ACSS3: variants seen among roughly 807,000 people sequenced by gnomAD.
ACSS3 encodes acyl-CoA synthetase short-chain family member 3, mitochondrial.
Under a neutral mutation model 84.2 loss-of-function variants are expected in ACSS3, and 64 were observed. The observed-to-expected ratio is 0.76, with a 90% CI of 0.62 to 0.94. The LOEUF (loss-of-function observed/expected upper bound fraction) is 0.94. ACSS3 is among the 40% of genes least tolerant of loss of function. The pLI, the probability that ACSS3 is intolerant of heterozygous loss-of-function variation, is 0.00. For missense variants in ACSS3, 815 were observed against 867.6 expected, an observed-to-expected ratio of 0.94 and a Z score of 0.76; for synonymous variants, 317 against 310.1, an observed-to-expected ratio of 1.02 and a Z score of -0.23.
At chr12:81,157,667 C>T (rs889120165) in intron 7 of ACSS3, among the ~76,000 whole-genome samples, 3 of 152,014 alleles carry the variant, frequency 2.0e-5, no homozygotes. Flanking sequence ...ATTAGCCAGG[C>T]ATGGTGGTGC....
intron 13 of ACSS3, among the ~76,000 whole-genome samples, chr12:81,250,123 C>G (rs1481807958): frequency 6.6e-6 from 1 of 151,970 alleles, no homozygotes; most frequent in Non-Finnish European, 1.5e-5. Flanking sequence ...GGAGGGAATG[C>G]ATTAATGTGG....
At chr12:81,086,595 G>A (rs571724496) in intron 1 of ACSS3, among the ~76,000 whole-genome samples, 4 of 152,282 alleles carry the variant, frequency 2.6e-5, no homozygotes, top group South Asian at 2.1e-4. Flanking sequence ...ACTACTAGGT[G>A]TTGGGGGAAA....
Position 81,118,309 on chromosome 12 carries a change from G to A in ACSS3, c.456+8605G>A, listed in dbSNP as rs963597985. Among the ~76,000 whole-genome samples the A allele has an allele frequency of 5.3e-5, 8 of 152,030 alleles. No individual in the cohort carries two copies. The South Asian group carries it at 8.3e-4, about 16-fold the overall frequency. On this transcript the variant is annotated intron_variant, in intron 2 of 15. Transcript: ENST00000548058. ...TCTAAAGATTATGAGGTTTAGCTTG[G>A]CATGACCCAAGATTATGAAGTCTTA...
At chr12:81,086,045 C>T (rs1881289416) in intron 1 of ACSS3, among the ~76,000 whole-genome samples, 1 of 152,090 alleles carries the variant, frequency 6.6e-6, no homozygotes, top group African/African-American at 2.4e-5. Flanking sequence ...GCAATTTAAT[C>T]CCCCTATTGA....
At chr12:81,142,150 A>T (rs1232287148) in intron 4 of ACSS3, among the ~76,000 whole-genome samples, 1 of 152,166 alleles carries the variant, frequency 6.6e-6, no homozygotes, top group Non-Finnish European at 1.5e-5. Context: ...GAATCACTTT[A>T]ATGAAATGGT....
intron 13 of ACSS3, among the ~76,000 whole-genome samples, chr12:81,239,129 G>A (rs1165673052): frequency 6.6e-6 from 1 of 151,824 alleles, no homozygotes; most frequent in African/African-American, 2.4e-5. Context: ...ATTTAGAAGT[G>A]TGTTGTTTAA....
At chr12:81,233,204 A>G in intron 12 of ACSS3, 145 bp from the exon 13 acceptor site, 1 of 758,764 alleles carries the variant, frequency 1.3e-6, no homozygotes, top group Non-Finnish European at 2.1e-6. Flanking sequence ...GATAAAAAGT[A>G]GTGTAATTTC....
intron 13 of ACSS3, among the ~76,000 whole-genome samples, chr12:81,250,458 A>G (rs2034116960): frequency 6.6e-6 from 1 of 152,080 alleles, no homozygotes; most frequent in Non-Finnish European, 1.5e-5. Flanking sequence ...AATGTTGTAT[A>G]TTTCTTCCGA....
chr12:81,196,117 A>G (rs2031817012), intron 8 of ACSS3, among the ~76,000 whole-genome samples: 1 of 152,222 alleles, frequency 6.6e-6, no homozygotes, highest in African/African-American at 2.4e-5. Flanking sequence ...ATACAGATCC[A>G]TGTCAGAATA....
chr12:81,244,157 T>C (rs1279701543), intron 13 of ACSS3, among the ~76,000 whole-genome samples: 1 of 152,148 alleles, frequency 6.6e-6, no homozygotes, highest in Non-Finnish European at 1.5e-5. Context: ...TTTTTCCCTC[T>C]TGACACTTTA....
chr12:81,132,117 G>A (rs530878686), intron 2 of ACSS3, among the ~76,000 whole-genome samples: 1,786 of 152,170 alleles, frequency 0.012, 40 homozygotes, highest in African/African-American at 0.04. Flanking sequence ...GCCAGGCTTT[G>A]GTATCAGGAT....
At chr12:81,136,675 T>C (rs780990543) in intron 3 of ACSS3, among the ~76,000 whole-genome samples, 2 of 152,114 alleles carry the variant, frequency 1.3e-5, no homozygotes, top group Non-Finnish European at 2.9e-5. Flanking sequence ...AGTAGACCAA[T>C]GTGACTAAAA....
chr12:81,163,363 C>T (rs1269073057), intron 7 of ACSS3, among the ~76,000 whole-genome samples: 1 of 152,114 alleles, frequency 6.6e-6, no homozygotes, highest in Admixed American at 6.5e-5. Flanking sequence ...TCACACATTG[C>T]ATTTCTCACG....
At position 81,099,438 on chromosome 12, in the gene ACSS3, G is replaced by T. The variant is rs1255348987; in HGVS notation, c.312-10122G>T. On this transcript the variant is annotated intron_variant, in intron 1 of 15. Coordinates refer to ENST00000548058, the MANE Select transcript of ACSS3 (RefSeq NM_024560.4). ...ATCAGTGACTGAGAACACAGATAAAGTTGCAACATTATGACAACTAAATAT... is the reference window on the plus strand; with the variant it reads ...ATCAGTGACTGAGAACACAGATAAATTTGCAACATTATGACAACTAAATAT... Among the ~76,000 whole-genome samples the T allele has an allele frequency of 3.3e-5, 5 of 152,278 alleles. No individual in the cohort carries two copies. In the East Asian group the frequency reaches 9.6e-4, roughly 29 times the overall value.
At chr12:81,253,116 C>T (rs1286316708) in intron 13 of ACSS3, among the ~76,000 whole-genome samples, 191 bp from the exon 14 acceptor site, 1 of 152,186 alleles carries the variant, frequency 6.6e-6, no homozygotes, top group African/African-American at 2.4e-5. Flanking sequence ...ATTCACTTCA[C>T]TAGTAATGAT....
intron 9 of ACSS3, among the ~76,000 whole-genome samples, chr12:81,209,281 GT>G (rs1237735431): frequency 3.3e-5 from 5 of 150,938 alleles, no homozygotes; most frequent in Non-Finnish European, 5.9e-5. Flanking sequence ...CTAGGAGAAT[GT>G]TTTTTGTTAA....
intron 2 of ACSS3, among the ~76,000 whole-genome samples, chr12:81,123,630 T>C (rs188033806): frequency 3.9e-5 from 6 of 152,214 alleles, no homozygotes; most frequent in Admixed American, 3.9e-4. Flanking sequence ...CCCCTCTCTA[T>C]AGTCCCCAGT....
intron 12 of ACSS3, 145 bp downstream of exon 12, chr12:81,231,283 A>C: frequency 1.7e-6 from 1 of 604,542 alleles, no homozygotes; most frequent in Non-Finnish European, 2.8e-6. Flanking sequence ...CCCAGGGATA[A>C]GAATGCCCAA....
At chr12:81,112,071 C>T (rs1055026139) in intron 2 of ACSS3, among the ~76,000 whole-genome samples, 4 of 152,104 alleles carry the variant, frequency 2.6e-5, no homozygotes, top group East Asian at 1.9e-4. Context: ...GTTATTCTTA[C>T]GAGGCTGCAT....
Sources: gnomAD v4.1 joint callset for allele counts (sites outside exome capture counted in the v4.1 genomes callset) on GRCh38, gnomAD v4.1.1 for gene constraint, MANE v1.5 for transcripts, NCBI Gene and HGNC (gene_info 2026-07-23, HGNC 2026-07-21) for gene names.